The following ANK2 variants were observed in gnomAD, a reference collection of about 807,000 sequenced individuals.
ANK2 encodes the protein ankyrin 2, also known as ankyrin-2.
A neutral mutation model predicts 360.5 loss-of-function variants in ANK2; 83 were observed. The observed-to-expected ratio is 0.23, with a 90% CI of 0.19 to 0.28. ANK2 has a LOEUF of 0.28. ANK2 is among the 10% of genes least tolerant of loss of function. The probability of loss-of-function intolerance (pLI) is 1.00; values close to 1 mark genes in which losing one functional copy is unlikely to be tolerated. For synonymous variants in ANK2, 1,740 were observed against 1,759.5 expected, an observed-to-expected ratio of 0.99 and a Z score of 0.28; for missense variants, 4,201 against 4,795.7, an observed-to-expected ratio of 0.88 and a Z score of 3.66.
chr4:112,783,630 T>TATTA, the ANK2 span, among the ~76,000 whole-genome samples: 5 of 106,942 alleles, frequency 4.7e-5, no homozygotes, highest in Non-Finnish European at 1.1e-4. Context: ...GTTGATATAT[T>TATTA]ATTTATTTAT....
At chr4:112,896,496 G>A (rs2081785908) in intron 1 of ANK2, among the ~76,000 whole-genome samples, 1 of 152,202 alleles carries the variant, frequency 6.6e-6, no homozygotes, top group African/African-American at 2.4e-5. Context: ...GAGAAAAAAA[G>A]GATTGAGGAA....
intron 10 of ANK2, among the ~76,000 whole-genome samples, chr4:113,252,167 A>G (rs1019333873): frequency 1.3e-5 from 2 of 152,172 alleles, no homozygotes; most frequent in Admixed American, 1.3e-4. Context: ...GAAGAAAATG[A>G]AAACCCAGTG....
intron 2 of ANK2, among the ~76,000 whole-genome samples, chr4:113,193,025 T>C (rs186208673): frequency 8.0e-4 from 121 of 152,078 alleles, no homozygotes; most frequent in African/African-American, 2.8e-3. Context: ...GGGACTCCGC[T>C]ATGGATGAAG....
chr4:112,944,994 G>C (rs2094460030), intron 2 of ANK2, among the ~76,000 whole-genome samples: 1 of 152,216 alleles, frequency 6.6e-6, no homozygotes, highest in African/African-American at 2.4e-5. Context: ...AAGCAACTGT[G>C]TATCAGTTAG....
At chr4:112,866,940 A>G (rs2070803267) in intron 1 of ANK2, among the ~76,000 whole-genome samples, 1 of 152,116 alleles carries the variant, frequency 6.6e-6, no homozygotes, top group African/African-American at 2.4e-5. Flanking sequence ...TAAGTTTCCA[A>G]AATTACTTCA....
At chr4:113,053,639 G>A (rs2068174485) in intron 1 of ANK2, among the ~76,000 whole-genome samples, 1 of 152,140 alleles carries the variant, frequency 6.6e-6, no homozygotes, top group African/African-American at 2.4e-5. Flanking sequence ...TGTCACCCAG[G>A]CTGGAGTACA....
chr4:112,760,657 G>T, the ANK2 span, among the ~76,000 whole-genome samples: 1 of 151,614 alleles, frequency 6.6e-6, no homozygotes, highest in Non-Finnish European at 1.5e-5. Flanking sequence ...TCGTCATTTA[G>T]CATTAGGTAT....
the ANK2 span, among the ~76,000 whole-genome samples, chr4:112,763,576 A>G: frequency 6.9e-6 from 1 of 144,988 alleles, no homozygotes; most frequent in Non-Finnish European, 1.5e-5. Flanking sequence ...TCTGTTGCCC[A>G]GGCTGGAGTG....
intron 31 of ANK2, 82 bp downstream of exon 31, chr4:113,336,863 T>G: frequency 7.4e-7 from 1 of 1,355,008 alleles, no homozygotes; most frequent in Non-Finnish European, 1.1e-6. Context: ...ACCTTTGTCA[T>G]AAGATGTCTG....
chr4:113,368,984 T>G (rs1247555614), intron 42 of ANK2, among the ~76,000 whole-genome samples: 1 of 152,220 alleles, frequency 6.6e-6, no homozygotes, highest in African/African-American at 2.4e-5. Context: ...AACTCCAGAC[T>G]ATATCAATGA....
intron 2 of ANK2, among the ~76,000 whole-genome samples, chr4:112,945,950 G>T (rs1044445084): frequency 4.6e-5 from 7 of 152,174 alleles, no homozygotes; most frequent in Admixed American, 6.5e-5. Context: ...TGAACCCGGG[G>T]TGGTTCAGGA....
chr4:112,881,126 C>A (rs1244920533), intron 1 of ANK2, among the ~76,000 whole-genome samples: 1 of 152,144 alleles, frequency 6.6e-6, no homozygotes, highest in African/African-American at 2.4e-5. Context: ...TATCAAGTAT[C>A]TTCTATAGAA....
chr4:113,188,908 A>T (rs2098599846), intron 2 of ANK2, among the ~76,000 whole-genome samples: 1 of 152,178 alleles, frequency 6.6e-6, no homozygotes, highest in Admixed American at 6.5e-5. Flanking sequence ...TACCTGGGTG[A>T]ATTAAGCAAA....
intron 1 of ANK2, among the ~76,000 whole-genome samples, chr4:113,075,420 C>A (rs2079514153): frequency 6.6e-6 from 1 of 152,130 alleles, no homozygotes; most frequent in African/African-American, 2.4e-5. Flanking sequence ...AAGATAACAT[C>A]TTTTCATTTT....
chr4:112,761,239 C>A, the ANK2 span, among the ~76,000 whole-genome samples: 19 of 152,134 alleles, frequency 1.2e-4, no homozygotes, highest in Non-Finnish European at 2.8e-4. Flanking sequence ...CTTGAAATAT[C>A]TTGAATTAGA....
At chr4:113,015,086 C>T (rs940915540) in intron 2 of ANK2, among the ~76,000 whole-genome samples, 42 of 151,740 alleles carry the variant, frequency 2.8e-4, no homozygotes, top group African/African-American at 9.7e-4. Flanking sequence ...CCTCGATCTC[C>T]TGACCTCATG....
chr4:113,067,503 C>G (rs1240469041), intron 1 of ANK2, among the ~76,000 whole-genome samples: 2 of 152,110 alleles, frequency 1.3e-5, no homozygotes, highest in Non-Finnish European at 2.9e-5. Flanking sequence ...GTCCAGCAAG[C>G]ATTTGAAGTG....
chr4:112,776,677 A>G, the ANK2 span, among the ~76,000 whole-genome samples: 1 of 152,146 alleles, frequency 6.6e-6, no homozygotes, highest in Non-Finnish European at 1.5e-5. Flanking sequence ...ATACTTACAG[A>G]TTTGTCTTAG....
At chr4:112,795,661 A>C in the ANK2 span, among the ~76,000 whole-genome samples, 1 of 151,794 alleles carries the variant, frequency 6.6e-6, no homozygotes, top group Non-Finnish European at 1.5e-5. Context: ...CTGCCACCAC[A>C]CCTGGCTAAT....
Sources: allele counts gnomAD v4.1 joint callset (sites outside exome capture counted in the v4.1 genomes callset), GRCh38; gene constraint gnomAD v4.1.1; transcripts MANE v1.5; gene names NCBI Gene and HGNC (gene_info 2026-07-23, HGNC 2026-07-21).